RASA2: variants seen among roughly 807,000 people sequenced by gnomAD.
RASA2 encodes RAS p21 protein activator 2.
In RASA2, 155 loss-of-function variants were observed where a neutral mutation model predicts 118.2. The ratio of observed to expected loss-of-function variants is 1.31; its 90% confidence interval spans 1.15 to 1.50. The LOEUF is 1.50. RASA2 is among the 40% of genes most tolerant of loss of function. The probability of loss-of-function intolerance (pLI) is 0.00; values close to 1 mark genes in which losing one functional copy is unlikely to be tolerated. For synonymous variants in RASA2, 353 were observed against 349.1 expected (o/e 1.01, Z -0.12); for missense variants, 1,016 against 1,009.6 (o/e 1.01, Z -0.09).
intron 3 of RASA2, among the ~76,000 whole-genome samples, chr3:141,528,627 A>G (rs769634014): frequency 6.6e-5 from 10 of 151,954 alleles, no homozygotes; most frequent in Non-Finnish European, 1.2e-4. Flanking sequence ...GGGCCTTAAT[A>G]TATTCACAGA....
At chr3:141,605,848 G>A (rs1256119365) in intron 19 of RASA2, among the ~76,000 whole-genome samples, 1 of 151,970 alleles carries the variant, frequency 6.6e-6, no homozygotes, top group Admixed American at 6.6e-5. Context: ...TGATTATGAG[G>A]GAGGGACAGG....
intron 4 of RASA2, among the ~76,000 whole-genome samples, chr3:141,536,560 A>G (rs2082328857): frequency 6.6e-6 from 1 of 152,206 alleles, no homozygotes; most frequent in Admixed American, 6.5e-5. Context: ...AGTCATATAG[A>G]GCAATACCTT....
At chr3:141,554,040 T>A in intron 6 of RASA2, 100 bp downstream of exon 6, 1 of 1,456,142 alleles carries the variant, frequency 6.9e-7, no homozygotes, top group South Asian at 1.5e-5. Flanking sequence ...TAGCTATTTA[T>A]AACACACAGT....
chr3:141,608,664 G>A lies in RASA2; in HGVS notation c.2192G>A (p.Gly731Asp). 6.2e-7 allele frequency: 1 copy of A among 1,613,930 alleles called. No homozygotes were observed. Among genetic ancestry groups the A allele is most frequent in the Non-Finnish European group, 8.5e-7 (1 of 1,179,898 alleles). Residue 731 changes from glycine to aspartate, a missense_variant, in exon 21 of 24, where the codon GGT becomes GAT. Gly to Asp is a moderately conservative substitution (Grantham distance 94). Transcript: ENST00000286364. ...NGNWLCCQET[G>D]ENTLGCKPCT... ...AATTGGCTCTGCTGTCAGGAGACTG[G>A]TGAAAACACTCTCGGCTGCAAGCCA...
intron 17 of RASA2, among the ~76,000 whole-genome samples, chr3:141,582,322 A>T (rs1307150992): frequency 2.6e-5 from 4 of 152,218 alleles, no homozygotes; most frequent in African/African-American, 9.6e-5. Flanking sequence ...GCAACCATTG[A>T]AGGCTTTTGA....
chr3:141,564,755 A>T (rs993280099), intron 9 of RASA2, among the ~76,000 whole-genome samples: 2 of 152,232 alleles, frequency 1.3e-5, no homozygotes, highest in African/African-American at 4.8e-5. Flanking sequence ...TGTTGTAACC[A>T]AGTGACAAGC....
chr3:141,491,849 T>C (rs1306320028), intron 1 of RASA2, among the ~76,000 whole-genome samples: 1 of 152,244 alleles, frequency 6.6e-6, no homozygotes, highest in African/African-American at 2.4e-5. Context: ...ATTAAGTGTT[T>C]TAATTTGACA....
chr3:141,490,654 T>C (rs2081629790), intron 1 of RASA2, among the ~76,000 whole-genome samples: 1 of 152,196 alleles, frequency 6.6e-6, no homozygotes, highest in Admixed American at 6.5e-5. Context: ...ACTTAGTTTC[T>C]CTGGTGTCTT....
At position 141,612,577 on chromosome 3, in the gene RASA2, G is replaced by A. The variant is rs1341266245; in HGVS notation, c.*264G>A. 1 of 331,174 alleles carries A rather than the reference G, an allele frequency of 3.0e-6. No homozygotes were observed. The highest frequency in any genetic ancestry group is 2.2e-5 in the African/African-American group (1 of 45,696). 20.5% of individuals were successfully genotyped at this position (331,174 alleles called of 1,614,324 possible). A position where few individuals can be genotyped will look rare whatever the true frequency, so the allele number is the denominator to read the frequency against. On this transcript the variant is annotated 3_prime_UTR_variant, in exon 24 of 24. Transcript: ENST00000286364. ...TTCTGCAACTTCTTTTTAATCGAAAGAATCTTCCTAGAAAAGCTTTGTAAC... is the reference window on the plus strand; with the variant it reads ...TTCTGCAACTTCTTTTTAATCGAAAAAATCTTCCTAGAAAAGCTTTGTAAC...
Position 141,607,743 on chromosome 3 carries a change from T to C in RASA2, c.1999T>C (p.Ser667Pro). The C allele has an allele frequency of 6.3e-7, 1 of 1,594,814 alleles. No homozygotes were observed. Among genetic ancestry groups the C allele is most frequent in the Non-Finnish European group, 8.5e-7 (1 of 1,171,340 alleles). Reference protein sequence around the residue: ...ILAVEKLEESSFNKKNMFQVI... With the variant: ...ILAVEKLEESPFNKKNMFQVI... ...TGCTGTGGAAAAACTGGAAGAGAGC[T>C]CTTTCAACAAGAAAAATGTAAGTTA... Residue 667 changes from serine to proline, a missense_variant, in exon 20 of 24, where the codon TCT (serine) becomes CCT (proline). Ser to Pro is a moderately conservative substitution (Grantham distance 74). This residue lies in a region of RASA2 where 896 missense variants were observed against 836.4 expected (regional missense o/e 1.07). Transcript: ENST00000286364.
intron 1 of RASA2, among the ~76,000 whole-genome samples, chr3:141,501,752 A>C (rs1173223295): frequency 6.6e-6 from 1 of 152,194 alleles, no homozygotes; most frequent in Non-Finnish European, 1.5e-5. Context: ...TGTCTTATTT[A>C]TATGGAATTA....
At chr3:141,500,736 A>G (rs1201708557) in intron 1 of RASA2, among the ~76,000 whole-genome samples, 2 of 152,212 alleles carry the variant, frequency 1.3e-5, no homozygotes, top group Non-Finnish European at 2.9e-5. Context: ...ACTTACATGT[A>G]TATCCAGTTC....
At chr3:141,548,994 A>C (rs1368545694) in intron 5 of RASA2, among the ~76,000 whole-genome samples, 7 of 152,182 alleles carry the variant, frequency 4.6e-5, no homozygotes, top group Non-Finnish European at 1.0e-4. Flanking sequence ...ATTTCACTTT[A>C]AATTTATCAT....
intron 2 of RASA2, among the ~76,000 whole-genome samples, chr3:141,513,199 T>G (rs1321624757): frequency 6.7e-6 from 1 of 148,428 alleles, no homozygotes; most frequent in Non-Finnish European, 1.5e-5. Context: ...AGGGATCTGT[T>G]TTTTTTTTTA....
At chr3:141,576,597 G>T (rs112106247) in intron 14 of RASA2, among the ~76,000 whole-genome samples, 1 of 152,158 alleles carries the variant, frequency 6.6e-6, no homozygotes, top group African/African-American at 2.4e-5. Flanking sequence ...TTTTGGGGGG[G>T]ATATTGAAAC....
At chr3:141,604,114 G>A (rs1332210331) in intron 19 of RASA2, among the ~76,000 whole-genome samples, 1 of 152,164 alleles carries the variant, frequency 6.6e-6, no homozygotes, top group Non-Finnish European at 1.5e-5. Flanking sequence ...TGTAATCAGT[G>A]AGTTAATAGG....
chr3:141,592,242 A>G (rs1427775163), intron 19 of RASA2, among the ~76,000 whole-genome samples: 1 of 152,188 alleles, frequency 6.6e-6, no homozygotes, highest in Non-Finnish European at 1.5e-5. Flanking sequence ...AAATCTAAAG[A>G]TGGTCGGGGA....
At chr3:141,546,596 T>C (rs1394267243) in intron 5 of RASA2, among the ~76,000 whole-genome samples, 1 of 152,228 alleles carries the variant, frequency 6.6e-6, no homozygotes, top group Non-Finnish European at 1.5e-5. Context: ...TATTAATCCG[T>C]TCTCAGATGG....
chr3:141,582,009 A>C (rs1560049211), intron 17 of RASA2, among the ~76,000 whole-genome samples: 1 of 152,242 alleles, frequency 6.6e-6, no homozygotes, highest in Non-Finnish European at 1.5e-5. Flanking sequence ...TTAAAAAATA[A>C]GGAAAGAAAT....
Sources: allele counts gnomAD v4.1 joint callset (sites outside exome capture counted in the v4.1 genomes callset), GRCh38; gene constraint gnomAD v4.1.1; regional missense constraint gnomAD v4.1.1; transcripts MANE v1.5; gene names NCBI Gene and HGNC (gene_info 2026-07-23, HGNC 2026-07-21).